MTMR3: variants seen among roughly 807,000 people sequenced by gnomAD.
The protein encoded by MTMR3 is phosphatidylinositol-3,5-bisphosphate 3-phosphatase MTMR3.
In MTMR3, 32 loss-of-function variants were observed where a neutral mutation model predicts 132.4. The ratio of observed to expected loss-of-function variants is 0.24; its 90% CI spans 0.18 to 0.32. The LOEUF is 0.32. Among genes scored for constraint, MTMR3 ranks in the 10% least tolerant of loss-of-function variants. The probability of loss-of-function intolerance (pLI) is 1.00; values close to 1 mark genes in which losing one functional copy is unlikely to be tolerated. For missense variants in MTMR3, 1,216 were observed against 1,489.6 expected, an observed-to-expected ratio of 0.82 and a Z score of 3.02; for synonymous variants, 556 against 550.3, an observed-to-expected ratio of 1.01 and a Z score of -0.14.
intron 1 of MTMR3, among the ~76,000 whole-genome samples, chr22:29,900,739 G>A (rs181126924): frequency 6.6e-6 from 1 of 152,180 alleles, no homozygotes; most frequent in African/African-American, 2.4e-5. Flanking sequence ...TTTTGAGAAA[G>A]GGTCTCACTC....
chr22:29,970,310 A>G (rs1363116838), intron 2 of MTMR3, among the ~76,000 whole-genome samples: 1 of 152,132 alleles, frequency 6.6e-6, no homozygotes, highest in Non-Finnish European at 1.5e-5. Context: ...TACTACAAGA[A>G]TAATGATTTT....
chr22:30,022,129 A>G lies in MTMR3; in HGVS notation c.3326A>G (p.Gln1109Arg), dbSNP rs1328656917. The G allele has an allele frequency of 1.9e-6, 3 of 1,612,454 alleles. No homozygotes were observed. In the Admixed American group the frequency reaches 5.0e-5, roughly 27 times the overall value. Residue 1109 changes from glutamine to arginine, a missense_variant, in exon 18 of 20, where the codon CAG becomes CGG. Coordinates refer to ENST00000401950, the MANE Select transcript of MTMR3 (RefSeq NM_021090.4). ...SEASWEQVDK[Q>R]DTEMTRWLPD... Reference sequence around the variant, plus strand: ...GCCAGCTGGGAGCAGGTGGATAAACAGGACACAGAGGTACAGGCTCAGCCC... The same window carrying G: ...GCCAGCTGGGAGCAGGTGGATAAACGGGACACAGAGGTACAGGCTCAGCCC...
intron 9 of MTMR3, 86 bp downstream of exon 9, chr22:30,003,079 G>A (rs2067207679): frequency 9.4e-7 from 1 of 1,064,438 alleles, no homozygotes; most frequent in Admixed American, 1.8e-5. Context: ...GCTAACCTGG[G>A]AAGGGTGGGG....
In MTMR3 at chr22:30,022,140, G is replaced by T; in HGVS notation, c.3336+1G>T. The T allele has an allele frequency of 6.2e-7, 1 of 1,609,158 alleles. No homozygotes were observed. Among genetic ancestry groups the T allele is most frequent in the Non-Finnish European group, 8.5e-7 (1 of 1,175,526 alleles). On this transcript the variant is annotated splice_donor_variant, in intron 18 of 19. Coordinates refer to ENST00000401950, the MANE Select transcript of MTMR3 (RefSeq NM_021090.4). LOFTEE classifies it high-confidence loss of function. ...GCAGGTGGATAAACAGGACACAGAG[G>T]TACAGGCTCAGCCCCTGCTCTGAGT...
chr22:29,926,380 T>A (rs1347091136), intron 1 of MTMR3, among the ~76,000 whole-genome samples: 1 of 152,242 alleles, frequency 6.6e-6, no homozygotes, highest in Non-Finnish European at 1.5e-5. Context: ...ACACACGTTT[T>A]CAGTTTTCTT....
At chr22:29,969,457 GTCT>G (rs1168640558) in intron 2 of MTMR3, among the ~76,000 whole-genome samples, 2 of 151,926 alleles carry the variant, frequency 1.3e-5, no homozygotes, top group East Asian at 3.9e-4. Context: ...TTTCTAATTG[GTCT>G]TCTTTTGCCC....
chr22:30,023,575 C>T lies in MTMR3; in HGVS notation c.3425+878C>T, dbSNP rs1379972743. On this transcript the variant is annotated intron_variant, in intron 19 of 19. Coordinates refer to ENST00000401950, the MANE Select transcript of MTMR3 (RefSeq NM_021090.4). Reference sequence around the variant, plus strand: ...TATCATTTCCCCCTCTCTGCACTTACTAGGGTGAAGCCTGGGGCCTTGGGT... The same window carrying T: ...TATCATTTCCCCCTCTCTGCACTTATTAGGGTGAAGCCTGGGGCCTTGGGT... 5.3e-6 allele frequency: 8 copies of T among 1,502,950 alleles called. No individual in the cohort carries two copies. The Admixed American group carries it at 1.0e-4, about 19-fold the overall frequency. The allele number at this position is 1,502,950 out of a possible 1,614,324, so 93.1% of individuals were successfully genotyped here. A position where few individuals can be genotyped will look rare whatever the true frequency, so the allele number is the denominator to read the frequency against.
At chr22:29,931,235 G>A (rs183823102) in intron 1 of MTMR3, among the ~76,000 whole-genome samples, 2 of 152,244 alleles carry the variant, frequency 1.3e-5, no homozygotes, top group Admixed American at 6.5e-5. Context: ...GTCAGTGGAA[G>A]GAAGACAGTA....
chr22:29,906,333 TGTCTATC>T (rs2065102779), intron 1 of MTMR3, among the ~76,000 whole-genome samples: 4 of 116,868 alleles, frequency 3.4e-5, no homozygotes, highest in Admixed American at 2.5e-4. Context: ...TCTATCTATC[TGTCTATC>T]TATCTATCTA....
At chr22:29,901,043 T>C (rs1378676115) in intron 1 of MTMR3, among the ~76,000 whole-genome samples, 1 of 152,170 alleles carries the variant, frequency 6.6e-6, no homozygotes, top group Non-Finnish European at 1.5e-5. Flanking sequence ...ACGTAAAGAC[T>C]TTTAGGCAAA....
rs2066685929 is a variant in MTMR3 at position 29,978,995 on chromosome 22, C to A, written c.153C>A (p.Ala51=). The change falls in exon 5 of 20, where the codon GCC becomes GCA. Residue 51 remains alanine (A), a synonymous_variant. Coordinates refer to ENST00000401950, the MANE Select transcript of MTMR3 (RefSeq NM_021090.4). The stretch of plus-strand genomic sequence containing the variant: ...AGTTTGTGGGCCGTGCCGAGGATGC[C>A]ATCATTGCCCTTTCCAATTACAGAC... ...STEFVGRAED[A]IIALSNYRLH... The A allele has an allele frequency of 2.5e-6, 4 of 1,613,928 alleles. No individual in the cohort carries two copies. Among genetic ancestry groups the A allele is most frequent in the Non-Finnish European group, 2.5e-6 (3 of 1,179,932 alleles).
At chr22:29,951,495 A>G (rs1352657208) in intron 1 of MTMR3, among the ~76,000 whole-genome samples, 1 of 152,220 alleles carries the variant, frequency 6.6e-6, no homozygotes, top group African/African-American at 2.4e-5. Flanking sequence ...GAGATGTATA[A>G]AGCAATAAGG....
intron 1 of MTMR3, among the ~76,000 whole-genome samples, chr22:29,887,350 G>C (rs186488551): frequency 3.3e-5 from 5 of 152,264 alleles, no homozygotes; most frequent in Admixed American, 1.3e-4. Context: ...ACAGACTGTG[G>C]ATCAAACAAT....
intron 14 of MTMR3, chr22:30,013,819 A>C (rs1056348616): frequency 1.6e-5 from 5 of 310,326 alleles, no homozygotes; most frequent in Admixed American, 4.9e-5. Flanking sequence ...AATAGAAGCA[A>C]TCAGAATGTC....
chr22:29,899,188 T>C (rs111233000), intron 1 of MTMR3, among the ~76,000 whole-genome samples: 4 of 152,324 alleles, frequency 2.6e-5, no homozygotes, highest in African/African-American at 7.2e-5. Context: ...ACACTTAGGC[T>C]ATTTAATCAG....
intron 8 of MTMR3, chr22:29,999,404 G>A (rs758740804): frequency 6.6e-6 from 1 of 152,162 alleles, no homozygotes; most frequent in Admixed American, 6.5e-5. Flanking sequence ...TTGGGCCTGG[G>A]ACCCAAGTCT....
At position 30,017,934 on chromosome 22, in the gene MTMR3, A is replaced by G. The variant is rs761829125; in HGVS notation, c.1682A>G (p.Tyr561Cys). The part of the protein sequence containing the change: ...LYSSQSEAVL[Y>C]PVCHVRNLML... ...GTCCTCCCCCCTCCTCAGGTGCTGT[A>G]CCCTGTGTGCCATGTGCGTAACCTG... The change falls in exon 16 of 20, where the codon TAC (tyrosine) becomes TGC (cysteine). Residue 561 changes from tyrosine (Y) to cysteine (C), a missense_variant. Physicochemically the swap from Tyr to Cys is radical, Grantham distance 194. This residue lies in a region of MTMR3 where 852 missense variants were observed against 852.0 expected (regional missense o/e 1.00). Coordinates refer to ENST00000401950, the MANE Select transcript of MTMR3 (RefSeq NM_021090.4). The G allele has an allele frequency of 8.7e-6, 14 of 1,612,924 alleles. No individual in the cohort carries two copies. In the African/African-American group the frequency reaches 1.7e-4, roughly 20 times the overall value.
At chr22:29,944,788 T>G (rs868461507) in intron 1 of MTMR3, among the ~76,000 whole-genome samples, 5 of 152,234 alleles carry the variant, frequency 3.3e-5, no homozygotes, top group Admixed American at 2.0e-4. Flanking sequence ...ACATGTAAAC[T>G]CATTAGAACT....
intron 1 of MTMR3, among the ~76,000 whole-genome samples, chr22:29,895,964 C>A (rs116364351): frequency 1.3e-5 from 2 of 152,246 alleles, no homozygotes; most frequent in South Asian, 2.1e-4. Context: ...CATTTCAAAT[C>A]GACAATTTTT....
Sources: gnomAD v4.1 joint callset for allele counts (sites outside exome capture counted in the v4.1 genomes callset) on GRCh38, gnomAD v4.1.1 for gene constraint, gnomAD v4.1.1 regional missense constraint, MANE v1.5 for transcripts, NCBI Gene and HGNC (gene_info 2026-07-23, HGNC 2026-07-21) for gene names.